CBFA2T2: variants seen among roughly 807,000 people sequenced by gnomAD.
The protein encoded by CBFA2T2 is protein CBFA2T2.
CBFA2T2 carries 11 observed loss-of-function variants against 62.2 expected under a neutral mutation model. The ratio of observed to expected loss-of-function variants is 0.18; its 90% CI spans 0.11 to 0.29. CBFA2T2 has a LOEUF of 0.29. CBFA2T2 is among the 10% of genes least tolerant of loss of function. The pLI, the probability that CBFA2T2 is intolerant of heterozygous loss-of-function variation, is 1.00. For synonymous variants in CBFA2T2, 295 were observed against 287.5 expected (o/e 1.03, Z -0.27); for missense variants, 592 against 774.1 (o/e 0.76, Z 2.79).
rs147304344 is a variant in CBFA2T2 at position 33,606,469 on chromosome 20, T to A, written c.35-487T>A. ...AAGCCAGAGGCCCAAAATTGAGGTA[T>A]CAGCAAGGTTGATTCCTTCCCGGGG... On this transcript the variant is annotated intron_variant, in intron 1 of 10. Coordinates refer to ENST00000342704, the MANE Select transcript of CBFA2T2 (RefSeq NM_001032999.3). Among the ~76,000 whole-genome samples, 232 of 152,334 alleles carry A rather than the reference T, an allele frequency of 1.5e-3. 1 individual carries two copies. Among genetic ancestry groups the A allele is most frequent in the African/African-American group, 5.4e-3 (223 of 41,580 alleles).
intron 1 of CBFA2T2, among the ~76,000 whole-genome samples, chr20:33,592,027 A>G (rs2014668602): frequency 6.6e-6 from 1 of 152,120 alleles, no homozygotes; most frequent in Admixed American, 6.6e-5. Flanking sequence ...ACAGCAAACA[A>G]GAGTAGTGGA....
In CBFA2T2 at chr20:33,623,284, C is replaced by G. The variant is rs1334040859; in HGVS notation, c.680C>G (p.Pro227Arg). 1 of 1,614,188 alleles carries G rather than the reference C, an allele frequency of 6.2e-7. No homozygotes were observed. Among genetic ancestry groups the G allele is most frequent in the Non-Finnish European group, 8.5e-7 (1 of 1,180,040 alleles). ...LMEVHGNGKR[P>R]SPERREENSF... Reference sequence around the variant, plus strand: ...GAGGTGCACGGAAATGGGAAGAGGCCCAGTCCAGAGAGGTGAGCAGATGAG... The same window carrying G: ...GAGGTGCACGGAAATGGGAAGAGGCGCAGTCCAGAGAGGTGAGCAGATGAG... Residue 227 changes from proline to arginine, a missense_variant, in exon 5 of 11, where the codon CCC becomes CGC. This residue lies in a region of CBFA2T2 where 449 missense variants were observed against 551.2 expected (regional missense o/e 0.81). Coordinates refer to ENST00000342704, the MANE Select transcript of CBFA2T2 (RefSeq NM_001032999.3).
At chr20:33,550,587 A>G (rs557280237) in intron 1 of CBFA2T2, among the ~76,000 whole-genome samples, 1 of 151,968 alleles carries the variant, frequency 6.6e-6, no homozygotes, top group South Asian at 2.1e-4. Context: ...CAAATAACTC[A>G]AAGTCTGAAG....
intron 3 of CBFA2T2, among the ~76,000 whole-genome samples, chr20:33,616,768 G>A (rs929707498): frequency 1.4e-4 from 21 of 151,932 alleles, no homozygotes; most frequent in African/African-American, 3.6e-4. Context: ...AAGCTGAATA[G>A]AGGATACATT....
At chr20:33,551,378 A>C (rs2012737411) in intron 1 of CBFA2T2, among the ~76,000 whole-genome samples, 1 of 151,782 alleles carries the variant, frequency 6.6e-6, no homozygotes, top group Admixed American at 6.6e-5. Context: ...CACCACGCCC[A>C]GCTAATTTTG....
intron 1 of CBFA2T2, among the ~76,000 whole-genome samples, chr20:33,522,565 A>T (rs1161225288): frequency 6.8e-6 from 1 of 146,386 alleles, no homozygotes; most frequent in African/African-American, 2.5e-5. Context: ...CTGTTTGTTT[A>T]AAAAAAAAAA....
At chr20:33,543,843 ATTT>A (rs1190501551) in intron 1 of CBFA2T2, among the ~76,000 whole-genome samples, 1 of 152,126 alleles carries the variant, frequency 6.6e-6, no homozygotes, top group African/African-American at 2.4e-5. Flanking sequence ...TAATTAATTT[ATTT>A]ATTTATTCAT....
chr20:33,539,844 G>T (rs1334545425), intron 1 of CBFA2T2, among the ~76,000 whole-genome samples: 3 of 151,876 alleles, frequency 2.0e-5, no homozygotes, highest in African/African-American at 4.8e-5. Flanking sequence ...GTACCACCAT[G>T]CCTGGATAAT....
chr20:33,520,880 G>T (rs1442245203), intron 1 of CBFA2T2, among the ~76,000 whole-genome samples: 1 of 150,920 alleles, frequency 6.6e-6, no homozygotes, highest in East Asian at 1.9e-4. Context: ...ATTTGTTCAG[G>T]AAATAATCAC....
rs1483135746 is a variant in CBFA2T2 at position 33,565,005 on chromosome 20, C to T, written c.35-41951C>T. Among the ~76,000 whole-genome samples, 5 of 152,038 alleles carry T rather than the reference C, an allele frequency of 3.3e-5. No individual in the cohort carries two copies. The East Asian group carries it at 7.8e-4, about 24-fold the overall frequency. ...CGCGATCTCGACTGACTGCAAGCTCCACCTCCCCGGTTCATGCTATTCTCC... is the reference window on the plus strand; with the variant it reads ...CGCGATCTCGACTGACTGCAAGCTCTACCTCCCCGGTTCATGCTATTCTCC... On this transcript the variant is annotated intron_variant, in intron 1 of 10. Transcript: ENST00000342704.
At chr20:33,575,418 T>A (rs2146907333) in intron 1 of CBFA2T2, among the ~76,000 whole-genome samples, 1 of 152,370 alleles carries the variant, frequency 6.6e-6, no homozygotes, top group Middle Eastern at 3.4e-3. Context: ...TAAGTTCTGA[T>A]TGGCTGTCCC....
At chr20:33,638,881 G>GT (rs1272688645) in intron 9 of CBFA2T2, 1 of 152,242 alleles carries the variant, frequency 6.6e-6, no homozygotes, top group Non-Finnish European at 1.5e-5. Context: ...TAGGATGATG[G>GT]TAAGTGGACA....
rs1418676413 is a variant in CBFA2T2 at position 33,649,202 on chromosome 20, G to T, written c.*4556G>T. The stretch of plus-strand genomic sequence containing the variant: ...GCTGTTTGCAGAAAACTGGGTGGTA[G>T]CGTGTCTGAACCAAACGGAAGAATA... On this transcript the variant is annotated 3_prime_UTR_variant, in exon 11 of 11. Coordinates refer to ENST00000342704, the MANE Select transcript of CBFA2T2 (RefSeq NM_001032999.3). 1 of 152,138 alleles carries T rather than the reference G, an allele frequency of 6.6e-6. No homozygotes were observed. Among genetic ancestry groups the T allele is most frequent in the Non-Finnish European group, 1.5e-5 (1 of 68,034 alleles). The allele number at this position is 152,138 out of a possible 1,614,324, so 9.4% of individuals were successfully genotyped here. A position where few individuals can be genotyped will look rare whatever the true frequency, so the allele number is the denominator to read the frequency against.
chr20:33,581,825 A>C (rs2014129404), intron 1 of CBFA2T2, among the ~76,000 whole-genome samples: 1 of 152,196 alleles, frequency 6.6e-6, no homozygotes, highest in African/African-American at 2.4e-5. Context: ...TTATAATAGG[A>C]AGATGGGCTG....
At chr20:33,643,197 C>T (rs968723138) in intron 10 of CBFA2T2, among the ~76,000 whole-genome samples, 17 of 152,162 alleles carry the variant, frequency 1.1e-4, no homozygotes, top group Non-Finnish European at 2.5e-4. Context: ...TAGCCGAGTT[C>T]CCTCTCATAC....
chr20:33,490,459 T>G (rs1337222943), intron 1 of CBFA2T2, among the ~76,000 whole-genome samples, 158 bp downstream of exon 1: 1 of 151,990 alleles, frequency 6.6e-6, no homozygotes, highest in Non-Finnish European at 1.5e-5. Context: ...GGGCGGGCCT[T>G]CCCGGGCTCC....
At chr20:33,505,863 C>A (rs1008168746) in intron 1 of CBFA2T2, among the ~76,000 whole-genome samples, 2 of 151,550 alleles carry the variant, frequency 1.3e-5, no homozygotes, top group Non-Finnish European at 2.9e-5. Context: ...GGCTGAGGCA[C>A]ATGGATCACT....
intron 1 of CBFA2T2, among the ~76,000 whole-genome samples, chr20:33,549,074 T>C (rs192393762): frequency 5.3e-5 from 8 of 152,276 alleles, no homozygotes; most frequent in South Asian, 2.1e-4. Context: ...GAAGAACATA[T>C]AGGTGCATAT....
At chr20:33,623,355 G>A in intron 5 of CBFA2T2, 59 bp downstream of exon 5, 1 of 1,575,660 alleles carries the variant, frequency 6.3e-7, no homozygotes, top group Non-Finnish European at 8.7e-7. Flanking sequence ...CCTCCCCTTT[G>A]CTTATAAAAG....
Sources: gnomAD v4.1 joint callset for allele counts (sites outside exome capture counted in the v4.1 genomes callset) on GRCh38, gnomAD v4.1.1 for gene constraint, gnomAD v4.1.1 regional missense constraint, MANE v1.5 for transcripts, NCBI Gene and HGNC (gene_info 2026-07-23, HGNC 2026-07-21) for gene names.